OTOGL: variants seen among roughly 807,000 people sequenced by gnomAD.
OTOGL encodes otogelin like.
Under a neutral mutation model 318.5 loss-of-function variants are expected in OTOGL, and 285 were observed. The observed-to-expected ratio is 0.89, with a 90% confidence interval of 0.81 to 0.99. The LOEUF (loss-of-function observed/expected upper bound fraction) is 0.99, where lower values mean the gene tolerates loss of function less well. Ranked by LOEUF, OTOGL falls within the 50% of genes least tolerant of loss-of-function variation. OTOGL has a pLI of 0.00. For synonymous variants in OTOGL, 987 were observed against 936.5 expected (o/e 1.05, Z -0.99); for missense variants, 2,899 against 2,845.6 (o/e 1.02, Z -0.43).
chr12:80,342,167 G>T lies in OTOGL; in HGVS notation c.5265+5G>T, dbSNP rs902734999. The T allele has an allele frequency of 6.5e-7, 1 of 1,546,080 alleles. No individual in the cohort carries two copies. Among genetic ancestry groups the T allele is most frequent in the Non-Finnish European group, 8.8e-7 (1 of 1,136,722 alleles). On this transcript the variant is annotated splice_donor_5th_base_variant and intron_variant, in intron 44 of 58. Transcript: ENST00000547103. ...TTCATTCCATGTCATGATAAAGTAA[G>T]TTGGAAGCAACCATAAATAATACTT... is the stretch of plus-strand genomic sequence containing the variant.
chr12:80,241,295 T>A (rs1880355194), intron 11 of OTOGL, among the ~76,000 whole-genome samples: 1 of 152,164 alleles, frequency 6.6e-6, no homozygotes. Flanking sequence ...GATTTATATG[T>A]ATAGTCTCTA....
intron 4 of OTOGL, among the ~76,000 whole-genome samples, chr12:80,213,481 C>T (rs1027987365): frequency 3.9e-5 from 6 of 152,146 alleles, no homozygotes; most frequent in African/African-American, 1.4e-4. Flanking sequence ...GAATGCAGCC[C>T]AGCAGATCTC....
intron 1 of OTOGL, among the ~76,000 whole-genome samples, chr12:80,100,410 T>C (rs1489174299): frequency 1.3e-5 from 2 of 152,146 alleles, no homozygotes; most frequent in East Asian, 1.9e-4. Context: ...ATACATTATA[T>C]CTTTTTATCT....
chr12:80,170,328 T>C (rs1325864796), intron 1 of OTOGL, among the ~76,000 whole-genome samples: 1 of 152,178 alleles, frequency 6.6e-6, no homozygotes, highest in Non-Finnish European at 1.5e-5. Flanking sequence ...ATGGCTCTAA[T>C]GACTATTGAT....
intron 1 of OTOGL, among the ~76,000 whole-genome samples, chr12:80,198,110 A>G (rs1876207192): frequency 6.6e-6 from 1 of 152,216 alleles, no homozygotes; most frequent in South Asian, 2.1e-4. Context: ...GCAAAAGAGA[A>G]GGACATATTG....
At chr12:80,132,346 T>A (rs1871291605) in intron 1 of OTOGL, 1 of 152,242 alleles carries the variant, frequency 6.6e-6, no homozygotes, top group African/African-American at 2.4e-5. Flanking sequence ...CTTACTGAAG[T>A]CTCACATATA....
intron 1 of OTOGL, among the ~76,000 whole-genome samples, chr12:80,182,323 C>G (rs1874981817): frequency 6.6e-6 from 1 of 152,118 alleles, no homozygotes; most frequent in South Asian, 2.1e-4. Context: ...CATCACAGCT[C>G]AAAGTGAAAA....
At position 80,245,044 on chromosome 12, in the gene OTOGL, G is replaced by A. The variant is rs1162277912; in HGVS notation, c.1052+5605G>A. Among the ~76,000 whole-genome samples the A allele has an allele frequency of 7.0e-5, 10 of 143,226 alleles. 1 individual carries two copies. Among genetic ancestry groups the A allele is most frequent in the Non-Finnish European group, 1.2e-4 (8 of 67,186 alleles). 94.0% of individuals were successfully genotyped at this position (143,226 alleles called of 152,430 possible). On this transcript the variant is annotated intron_variant, in intron 11 of 58. Coordinates refer to ENST00000547103, the MANE Select transcript of OTOGL (RefSeq NM_001378609.3). The stretch of plus-strand genomic sequence containing the variant: ...TCTTGTAAATTTGTTTGAGTTCATT[G>A]TAGATTCTGGATATTAGCCCTTTGT...
At chr12:80,372,658 T>C (rs1192840023) in intron 57 of OTOGL, among the ~76,000 whole-genome samples, 1 of 151,918 alleles carries the variant, frequency 6.6e-6, no homozygotes, top group Non-Finnish European at 1.5e-5. Context: ...ATATTTTTTA[T>C]TAGCTTGGAT....
chr12:80,267,408 T>TA (rs200045835), intron 22 of OTOGL, 81 bp downstream of exon 22: 8,055 of 466,814 alleles, frequency 0.017, 11 homozygotes, highest in East Asian at 0.023. Context: ...TATATATATA[T>TA]TTTTTTATTA....
chr12:80,249,293 G>T (rs1188414780), intron 11 of OTOGL, among the ~76,000 whole-genome samples: 1 of 151,354 alleles, frequency 6.6e-6, no homozygotes, highest in Admixed American at 6.5e-5. Context: ...CATCTTTGTG[G>T]TTTTATCTAC....
In OTOGL at chr12:80,109,725, A is replaced by G. The variant is rs565345649; in HGVS notation, c.-20+10120A>G. ...GATGAGAGAAGTGCAAATGTACCAC[A>G]TGCCTAGAAGGATAACTGGAATAGC... On this transcript the variant is annotated intron_variant, in intron 1 of 58. Transcript: ENST00000547103. Among the ~76,000 whole-genome samples, 3 of 152,330 alleles carry G rather than the reference A, an allele frequency of 2.0e-5. No homozygotes were observed. The East Asian group carries it at 5.8e-4, about 29-fold the overall frequency.
chr12:80,190,028 C>T (rs1417432855), intron 1 of OTOGL, among the ~76,000 whole-genome samples: 2 of 152,098 alleles, frequency 1.3e-5, no homozygotes, highest in African/African-American at 4.8e-5. Flanking sequence ...CATCTCCGGC[C>T]CCATTTTTGT....
At chr12:80,360,306 A>C (rs187871992) in intron 52 of OTOGL, among the ~76,000 whole-genome samples, 5 of 150,836 alleles carry the variant, frequency 3.3e-5, no homozygotes, top group Non-Finnish European at 4.4e-5. Flanking sequence ...TCTACTTTCT[A>C]TCTTTTTTCT....
In OTOGL at chr12:80,339,104, G is replaced by A; in HGVS notation, c.4890G>A (p.Leu1630=). 3 of 1,610,224 alleles carry A rather than the reference G, an allele frequency of 1.9e-6. No homozygotes were observed. The East Asian group carries it at 6.7e-5, about 36-fold the overall frequency. Residue 1630 remains leucine (L), a synonymous_variant, in exon 43 of 59, where the codon TTG becomes TTA. Transcript: ENST00000547103. ...KVEVDSIVVP[L]PFSSQELSIE... ...AAGTGGATTCCATTGTTGTGCCTTT[G>A]CCCTTTTCAAGTCAGGAACTGTCCA...
At chr12:80,326,082 G>A (rs890349040) in intron 35 of OTOGL, among the ~76,000 whole-genome samples, 1 of 152,112 alleles carries the variant, frequency 6.6e-6, no homozygotes, top group Non-Finnish European at 1.5e-5. Context: ...TTGTGCCAAA[G>A]TGGCTAATTA....
At position 80,356,884 on chromosome 12, in the gene OTOGL, G is replaced by C. The variant is rs868564498; in HGVS notation, c.5989G>C (p.Glu1997Gln). 1 of 1,593,932 alleles carries C rather than the reference G, an allele frequency of 6.3e-7. No homozygotes were observed. Reference sequence around the variant, plus strand: ...TCAATTCATGATTCAAGTTCGACAGGAAGAACCTTGTTGTTTTTCCCCTTT... The same window carrying C: ...TCAATTCATGATTCAAGTTCGACAGCAAGAACCTTGTTGTTTTTCCCCTTT... ...EDQFMIQVRQEEPCCFSPFCV... is the reference protein window; with the variant it reads ...EDQFMIQVRQQEPCCFSPFCV... The change falls in exon 49 of 59, where the codon GAA becomes CAA. Residue 1997 changes from glutamate (E) to glutamine (Q), a missense_variant. Physicochemically the swap from Glu to Gln is conservative, Grantham distance 29. Coordinates refer to ENST00000547103, the MANE Select transcript of OTOGL (RefSeq NM_001378609.3).
intron 1 of OTOGL, among the ~76,000 whole-genome samples, chr12:80,124,186 C>T (rs971277450): frequency 6.6e-6 from 1 of 152,188 alleles, no homozygotes; most frequent in African/African-American, 2.4e-5. Flanking sequence ...ACATTTAAGT[C>T]TTTAATCCAT....
At chr12:80,336,841 T>C in intron 41 of OTOGL, 21 bp downstream of exon 41, 2 of 1,537,518 alleles carry the variant, frequency 1.3e-6, no homozygotes, top group Non-Finnish European at 8.8e-7. Flanking sequence ...GCAAAGTGTT[T>C]AGTACATTCA....
Sources: gnomAD v4.1 joint callset for allele counts (sites outside exome capture counted in the v4.1 genomes callset) on GRCh38, gnomAD v4.1.1 for gene constraint, MANE v1.5 for transcripts, NCBI Gene and HGNC (gene_info 2026-07-23, HGNC 2026-07-21) for gene names.